ATG7: variants seen among roughly 807,000 people sequenced by gnomAD.
ATG7 encodes autophagy related 7, also known as ubiquitin-like modifier-activating enzyme ATG7.
Under a neutral mutation model 82.4 loss-of-function variants are expected in ATG7, and 70 were observed. That is an observed-to-expected ratio of 0.85 (90% confidence interval 0.70 to 1.04). ATG7 has a LOEUF of 1.04. ATG7 is among the 50% of genes least tolerant of loss of function. The pLI is 0.00. For synonymous variants in ATG7, 287 were observed against 313.0 expected, an observed-to-expected ratio of 0.92 and a Z score of 0.88; for missense variants, 792 against 864.3, an observed-to-expected ratio of 0.92 and a Z score of 1.05.
intron 20 of ATG7, chr3:11,477,448 C>T (rs1173918675): frequency 2.1e-6 from 1 of 483,408 alleles, no homozygotes; most frequent in Non-Finnish European, 2.8e-6. Flanking sequence ...AGCATGTTTT[C>T]TCCCTCTAAT....
Position 11,451,908 on chromosome 3 carries a change from C to G in ATG7, c.2079+24982C>G, listed in dbSNP as rs537856637. Among the ~76,000 whole-genome samples, 4 of 151,540 alleles carry G rather than the reference C, an allele frequency of 2.6e-5. No individual in the cohort carries two copies. In the East Asian group the frequency reaches 5.8e-4, roughly 22 times the overall value. On this transcript the variant is annotated intron_variant, in intron 20 of 20. Coordinates refer to ENST00000693202, the MANE Select transcript of ATG7 (RefSeq NM_001349232.2). ...ACAGACACACACACACACAGACACA[C>G]ACACACACACATATACATATCTCTT... is the stretch of plus-strand genomic sequence containing the variant.
intron 20 of ATG7, among the ~76,000 whole-genome samples, chr3:11,528,238 A>G (rs1015458784): frequency 6.6e-6 from 1 of 152,230 alleles, no homozygotes; most frequent in Non-Finnish European, 1.5e-5. Flanking sequence ...TTCAACAAAT[A>G]TATCTTGAGC....
intron 19 of ATG7, among the ~76,000 whole-genome samples, chr3:11,397,545 T>C (rs1280496894): frequency 6.6e-6 from 1 of 151,796 alleles, no homozygotes; most frequent in Non-Finnish European, 1.5e-5. Flanking sequence ...GTAGCCTCCA[T>C]CTCCCAGGTT....
chr3:11,336,349 C>T (rs532720860), intron 11 of ATG7, among the ~76,000 whole-genome samples: 1 of 152,206 alleles, frequency 6.6e-6, no homozygotes, highest in East Asian at 1.9e-4. Context: ...GACATTTAAA[C>T]TCAGGAACCA....
At chr3:11,563,242 C>T in the ATG7 span, among the ~76,000 whole-genome samples, 1 of 152,318 alleles carries the variant, frequency 6.6e-6, no homozygotes, top group African/African-American at 2.4e-5. Flanking sequence ...GCTGAATCCT[C>T]CCCTCCATAC....
intron 11 of ATG7, among the ~76,000 whole-genome samples, chr3:11,333,984 T>C (rs1388452117): frequency 6.6e-6 from 1 of 151,958 alleles, no homozygotes; most frequent in African/African-American, 2.4e-5. Context: ...CTCCTGACCT[T>C]GTGATCCGCC....
At chr3:11,572,543 T>C in the ATG7 span, among the ~76,000 whole-genome samples, 5 of 152,154 alleles carry the variant, frequency 3.3e-5, no homozygotes, top group Non-Finnish European at 5.9e-5. Flanking sequence ...CCCATTCCCC[T>C]CTCTTCGTCC....
chr3:11,438,846 T>C (rs1479289313), intron 20 of ATG7, among the ~76,000 whole-genome samples: 1 of 152,160 alleles, frequency 6.6e-6, no homozygotes, highest in African/African-American at 2.4e-5. Flanking sequence ...CCTAACTTCC[T>C]GGCTTCACAT....
At chr3:11,416,425 T>G (rs1035374726) in intron 19 of ATG7, among the ~76,000 whole-genome samples, 1 of 152,170 alleles carries the variant, frequency 6.6e-6, no homozygotes, top group Non-Finnish European at 1.5e-5. Context: ...TTTTCTTATT[T>G]GAGTTTTGGT....
chr3:11,278,582 T>A (rs559055805), intron 1 of ATG7, among the ~76,000 whole-genome samples: 2 of 152,282 alleles, frequency 1.3e-5, no homozygotes, highest in East Asian at 3.9e-4. Context: ...AAGACTGGTG[T>A]TAGAAAAACA....
At chr3:11,391,384 G>T (rs2078790407) in intron 19 of ATG7, among the ~76,000 whole-genome samples, 1 of 152,126 alleles carries the variant, frequency 6.6e-6, no homozygotes, top group South Asian at 2.1e-4. Flanking sequence ...CTCATTTCCT[G>T]GAGGCTGAAG....
At chr3:11,321,613 C>G (rs1950234735) in intron 9 of ATG7, among the ~76,000 whole-genome samples, 1 of 152,142 alleles carries the variant, frequency 6.6e-6, no homozygotes, top group South Asian at 2.1e-4. Context: ...AAGGAAGCAG[C>G]CATTTTTTTT....
chr3:11,568,368 A>C, the ATG7 span, among the ~76,000 whole-genome samples: 2 of 152,178 alleles, frequency 1.3e-5, no homozygotes, highest in Admixed American at 1.3e-4. This position sits in a 1 kb window ranked among gnomAD's most constrained non-coding sequence, Gnocchi z 5.9. Flanking sequence ...GCCAGGGCAG[A>C]GGTAAGGACG....
the ATG7 span, among the ~76,000 whole-genome samples, chr3:11,569,595 A>T: frequency 6.6e-6 from 1 of 152,232 alleles, no homozygotes; most frequent in Non-Finnish European, 1.5e-5. Flanking sequence ...AGGGCCAGTG[A>T]GTGGGCCGGG....
Position 11,313,347 on chromosome 3 carries a change from C to T in ATG7, c.455C>T (p.Ala152Val). The change falls in exon 8 of 21, where the codon GCC (alanine) becomes GTC (valine). Residue 152 changes from alanine (A) to valine (V), a missense_variant. Physicochemically the swap from Ala to Val is moderately conservative, Grantham distance 64. Transcript: ENST00000693202. ...YHFYYWFCYP[A>V]LCLPESLPLI... ...TTCTACTATTGGTTTTGCTATCCTG[C>T]CCTCTGTCTTCCAGAGAGTTTACCT... 6.2e-7 allele frequency: 1 copy of T among 1,612,760 alleles called. No homozygotes were observed. The highest frequency in any genetic ancestry group is 8.5e-7 in the Non-Finnish European group (1 of 1,179,260).
chr3:11,535,566 C>T (rs913295460), intron 20 of ATG7, among the ~76,000 whole-genome samples: 1 of 152,124 alleles, frequency 6.6e-6, no homozygotes, highest in East Asian at 1.9e-4. Flanking sequence ...GCCAGTGAAC[C>T]GAGGGGACAG....
chr3:11,559,928 C>T (rs535587427), downstream of ATG7, among the ~76,000 whole-genome samples: 20 of 152,260 alleles, frequency 1.3e-4, no homozygotes, highest in South Asian at 2.1e-4. Context: ...AAAGCCAGCT[C>T]GAGTTGGCCT....
intron 20 of ATG7, among the ~76,000 whole-genome samples, chr3:11,465,221 C>T (rs1018262454): frequency 2.6e-5 from 4 of 151,826 alleles, no homozygotes; most frequent in African/African-American, 7.3e-5. Context: ...CTTTGGGAGG[C>T]CGAGGCGTGT....
chr3:11,433,314 AAGC>A (rs2083077913), intron 20 of ATG7, among the ~76,000 whole-genome samples: 1 of 141,546 alleles, frequency 7.1e-6, no homozygotes, highest in South Asian at 2.4e-4. Context: ...AAAAAAAAAA[AAGC>A]TGCGTTTGTT....
Sources: allele counts gnomAD v4.1 joint callset (sites outside exome capture counted in the v4.1 genomes callset), GRCh38; gene constraint gnomAD v4.1.1; non-coding constraint Gnocchi (gnomAD v3.1); transcripts MANE v1.5; gene names NCBI Gene and HGNC (gene_info 2026-07-23, HGNC 2026-07-21).